RIMS1: variants seen among roughly 807,000 people sequenced by gnomAD.
RIMS1 encodes the protein regulating synaptic membrane exocytosis protein 1.
A neutral mutation model predicts 214.1 loss-of-function variants in RIMS1; 83 were observed. The observed-to-expected ratio is 0.39, with a 90% CI of 0.32 to 0.47. The LOEUF (loss-of-function observed/expected upper bound fraction) is 0.47. Ranked by LOEUF, RIMS1 falls within the 20% of genes least tolerant of loss-of-function variation. RIMS1 has a pLI of 0.99. For missense variants in RIMS1, 2,050 were observed against 2,161.8 expected (o/e 0.95, Z 1.03); for synonymous variants, 793 against 786.8 (o/e 1.01, Z -0.13).
intron 4 of RIMS1, among the ~76,000 whole-genome samples, chr6:72,108,641 C>G (rs1410466040): frequency 2.0e-5 from 3 of 151,886 alleles, no homozygotes; most frequent in Admixed American, 1.3e-4. Flanking sequence ...ATATTTGATT[C>G]TATTTTTCCT....
At chr6:72,253,759 A>T (rs1025551558) in intron 16 of RIMS1, among the ~76,000 whole-genome samples, 20 of 152,208 alleles carry the variant, frequency 1.3e-4, no homozygotes, top group African/African-American at 4.3e-4. Flanking sequence ...CTAACTTCAC[A>T]GTTTGGAGAG....
At chr6:72,057,552 G>A (rs1395749831) in intron 2 of RIMS1, among the ~76,000 whole-genome samples, 2 of 145,166 alleles carry the variant, frequency 1.4e-5, no homozygotes, top group African/African-American at 5.1e-5. Flanking sequence ...CTGTTGCCCA[G>A]GCTGGAGTGC....
intron 28 of RIMS1, chr6:72,316,542 T>C: frequency 2.6e-6 from 1 of 382,890 alleles, no homozygotes; most frequent in Non-Finnish European, 5.0e-6. Flanking sequence ...TGGCTCCCTA[T>C]CAAGAAGCTG....
chr6:71,948,581 A>G (rs1373284189), intron 1 of RIMS1, among the ~76,000 whole-genome samples: 1 of 152,238 alleles, frequency 6.6e-6, no homozygotes, highest in East Asian at 1.9e-4. Context: ...ATTAGAGACA[A>G]TAAGACCAAC....
intron 1 of RIMS1, among the ~76,000 whole-genome samples, chr6:71,931,507 A>G (rs1245550025): frequency 6.6e-6 from 1 of 152,042 alleles, no homozygotes; most frequent in African/African-American, 2.4e-5. Flanking sequence ...CAAATGTTCT[A>G]CAACATGCCA....
intron 2 of RIMS1, among the ~76,000 whole-genome samples, chr6:72,018,898 A>C (rs965835301): frequency 6.6e-6 from 1 of 152,214 alleles, no homozygotes; most frequent in Non-Finnish European, 1.5e-5. Flanking sequence ...AGTGCTCAAC[A>C]TTTTAATAGA....
At chr6:72,243,793 A>T (rs1044947931) in intron 10 of RIMS1, among the ~76,000 whole-genome samples, 16 of 151,698 alleles carry the variant, frequency 1.1e-4, no homozygotes, top group Admixed American at 6.6e-5. Flanking sequence ...CAAATTCTAA[A>T]CTATTATAGA....
At chr6:72,061,205 T>G (rs1827759393) in intron 2 of RIMS1, among the ~76,000 whole-genome samples, 1 of 152,142 alleles carries the variant, frequency 6.6e-6, no homozygotes, top group African/African-American at 2.4e-5. Context: ...TCAGAAGGAA[T>G]TATGAAATAC....
At chr6:72,143,882 C>A (rs1369067169) in intron 4 of RIMS1, among the ~76,000 whole-genome samples, 1 of 152,056 alleles carries the variant, frequency 6.6e-6, no homozygotes, top group Non-Finnish European at 1.5e-5. Flanking sequence ...AAACTCTGAG[C>A]CATCTATAGT....
intron 2 of RIMS1, among the ~76,000 whole-genome samples, chr6:72,036,394 A>G (rs940977163): frequency 1.3e-5 from 2 of 152,138 alleles, no homozygotes; most frequent in Non-Finnish European, 2.9e-5. Context: ...TTGTATGTTT[A>G]TTCATGCATC....
At chr6:72,007,254 C>T (rs1232489468) in intron 2 of RIMS1, among the ~76,000 whole-genome samples, 2 of 152,164 alleles carry the variant, frequency 1.3e-5, no homozygotes, top group Non-Finnish European at 2.9e-5. Context: ...CAGACCTGCA[C>T]CTGAGGGTTC....
chr6:71,909,201 T>G (rs1325199791), intron 1 of RIMS1, among the ~76,000 whole-genome samples: 1 of 152,180 alleles, frequency 6.6e-6, no homozygotes, highest in Non-Finnish European at 1.5e-5. Context: ...TTCACCAGGT[T>G]GGCCAGGCTG....
chr6:72,326,724 T>A (rs768599442), intron 28 of RIMS1, among the ~76,000 whole-genome samples: 4 of 151,780 alleles, frequency 2.6e-5, no homozygotes, highest in Admixed American at 6.6e-5. Context: ...GACAAAGGGT[T>A]CCTATATCAT....
At chr6:71,911,540 A>G in intron 1 of RIMS1, among the ~76,000 whole-genome samples, 1 of 152,154 alleles carries the variant, frequency 6.6e-6, no homozygotes, top group East Asian at 1.9e-4. Flanking sequence ...TTAGATCCCC[A>G]TACTCTGGCC....
chr6:71,886,566 A>G lies in RIMS1; in HGVS notation c.-458A>G, dbSNP rs1767835976. ...CGCAGCCCCAAATTGGAGGCAGCAG[A>G]GCCTGGGAGCAGCCTCCACGGCGGC... On this transcript the variant is annotated 5_prime_UTR_variant, in exon 1 of 34. Coordinates refer to ENST00000521978, the MANE Select transcript of RIMS1 (RefSeq NM_014989.7). 6.5e-6 allele frequency: 1 copy of G among 152,902 alleles called. No individual in the cohort carries two copies. Among genetic ancestry groups the G allele is most frequent in the Non-Finnish European group, 1.5e-5 (1 of 68,000 alleles). The allele number at this position is 152,902 out of a possible 1,614,324, so 9.5% of individuals were successfully genotyped here. A position where few individuals can be genotyped will look rare whatever the true frequency, so the allele number is the denominator to read the frequency against.
At chr6:72,262,295 T>G in intron 19 of RIMS1, 2 of 900,240 alleles carry the variant, frequency 2.2e-6, no homozygotes, top group Non-Finnish European at 2.7e-6. Context: ...CTAATAATTC[T>G]GAGCTCCACA....
intron 28 of RIMS1, among the ~76,000 whole-genome samples, chr6:72,319,085 G>GA (rs1212542672): frequency 2.6e-5 from 4 of 151,872 alleles, no homozygotes; most frequent in Non-Finnish European, 4.4e-5. Flanking sequence ...TAATAAATAA[G>GA]AAAAAACATG....
At chr6:72,122,940 T>C (rs1562365571) in intron 4 of RIMS1, among the ~76,000 whole-genome samples, 1 of 151,902 alleles carries the variant, frequency 6.6e-6, no homozygotes, top group Non-Finnish European at 1.5e-5. Context: ...GATTCATTGA[T>C]TTTTTGAAGG....
At chr6:72,291,427 CA>C (rs1308066435) in intron 25 of RIMS1, among the ~76,000 whole-genome samples, 2 of 152,120 alleles carry the variant, frequency 1.3e-5, no homozygotes, top group Non-Finnish European at 2.9e-5. Flanking sequence ...AAATATCTTT[CA>C]AATTTGTTCC....
Sources: gnomAD v4.1 joint callset for allele counts (sites outside exome capture counted in the v4.1 genomes callset) on GRCh38, gnomAD v4.1.1 for gene constraint, MANE v1.5 for transcripts, NCBI Gene and HGNC (gene_info 2026-07-23, HGNC 2026-07-21) for gene names.